LRRK1: variants seen among roughly 807,000 people sequenced by gnomAD.
LRRK1 encodes the protein leucine-rich repeat serine/threonine-protein kinase 1.
Under a neutral mutation model 209.1 loss-of-function variants are expected in LRRK1, and 113 were observed. That is an observed-to-expected ratio of 0.54 (90% CI 0.46 to 0.63). LRRK1 has a LOEUF of 0.63. Among genes scored for constraint, LRRK1 ranks in the 30% least tolerant of loss-of-function variants. The pLI is 0.00. For synonymous variants in LRRK1, 1,144 were observed against 1,099.7 expected (o/e 1.04, Z -0.80); for missense variants, 2,284 against 2,632.2 (o/e 0.87, Z 2.89).
chr15:100,989,549 G>A, intron 6 of LRRK1, 151 bp downstream of exon 6: 1 of 750,298 alleles, frequency 1.3e-6, no homozygotes, highest in South Asian at 1.8e-5. Flanking sequence ...CTGGTATCTG[G>A]TGAGGGCCTT....
chr15:101,048,443 G>A, intron 21 of LRRK1, 51 bp from the exon 22 acceptor site: 1 of 1,549,210 alleles, frequency 6.5e-7, no homozygotes, highest in Non-Finnish European at 8.7e-7. Context: ...TCTGCCCAGG[G>A]CCAGCGAGGA....
chr15:100,941,009 G>A (rs998994201), intron 2 of LRRK1, among the ~76,000 whole-genome samples: 1 of 152,214 alleles, frequency 6.6e-6, no homozygotes, highest in Non-Finnish European at 1.5e-5. Context: ...GCCCAAGGGG[G>A]ACAGTGGTGA....
intron 11 of LRRK1, among the ~76,000 whole-genome samples, chr15:101,014,882 G>A (rs1359746903): frequency 6.6e-6 from 1 of 152,216 alleles, no homozygotes; most frequent in East Asian, 1.9e-4. Context: ...GCCCCTAATG[G>A]TGTCCTCTCA....
At chr15:100,995,582 C>T (rs1340294053) in intron 6 of LRRK1, among the ~76,000 whole-genome samples, 1 of 152,156 alleles carries the variant, frequency 6.6e-6, no homozygotes, top group African/African-American at 2.4e-5. Flanking sequence ...GGCCCGCGTT[C>T]GTGGTGAACA....
At chr15:100,947,597 A>T (rs752095814) in intron 2 of LRRK1, among the ~76,000 whole-genome samples, 1 of 152,236 alleles carries the variant, frequency 6.6e-6, no homozygotes, top group Non-Finnish European at 1.5e-5. Flanking sequence ...AGGACTGAGT[A>T]TATCCTCTGC....
intron 2 of LRRK1, among the ~76,000 whole-genome samples, chr15:100,955,897 C>T (rs2042745110): frequency 6.6e-6 from 1 of 152,004 alleles, no homozygotes; most frequent in African/African-American, 2.4e-5. Context: ...TGCCTGTATC[C>T]TCTTGAGGAT....
intron 33 of LRRK1, among the ~76,000 whole-genome samples, chr15:101,067,753 G>A (rs994799079): frequency 1.3e-5 from 2 of 152,168 alleles, no homozygotes; most frequent in African/African-American, 4.8e-5. Flanking sequence ...CAGAGCCTGT[G>A]GGTAGAAGCC....
intron 6 of LRRK1, among the ~76,000 whole-genome samples, chr15:100,997,712 A>G (rs1332984984): frequency 2.0e-5 from 3 of 152,216 alleles, no homozygotes; most frequent in African/African-American, 7.2e-5. Context: ...GTGGAAAGTA[A>G]TTGGCATCAT....
At chr15:100,927,672 G>T (rs761690568) in intron 2 of LRRK1, among the ~76,000 whole-genome samples, 2 of 152,136 alleles carry the variant, frequency 1.3e-5, no homozygotes, top group East Asian at 3.8e-4. Flanking sequence ...ACCCCAGAAA[G>T]TTCTGTCCCC....
intron 6 of LRRK1, among the ~76,000 whole-genome samples, chr15:100,997,493 G>A (rs1030349847): frequency 2.0e-5 from 3 of 152,156 alleles, no homozygotes; most frequent in African/African-American, 4.8e-5. Context: ...TTACATATAA[G>A]AAAACACTGG....
rs560462200 is a variant in LRRK1 at position 101,003,329 on chromosome 15, G to A, written c.763-5508G>A. Reference sequence around the variant, plus strand: ...AGTCCTGCAGAAGCACAGTGGGTATGTGCCTACAGAGAGCTCTGGGAACAG... The same window carrying A: ...AGTCCTGCAGAAGCACAGTGGGTATATGCCTACAGAGAGCTCTGGGAACAG... On this transcript the variant is annotated intron_variant, in intron 6 of 33. Coordinates refer to ENST00000388948, the MANE Select transcript of LRRK1 (RefSeq NM_024652.6). Among the ~76,000 whole-genome samples, 31 of 152,294 alleles carry A rather than the reference G, an allele frequency of 2.0e-4. 1 individual carries two copies. The South Asian group carries it at 6.2e-3, about 31-fold the overall frequency.
intron 26 of LRRK1, 42 bp downstream of exon 26, chr15:101,053,462 G>C (rs2035603653): frequency 6.6e-7 from 1 of 1,514,788 alleles, no homozygotes; most frequent in African/African-American, 1.4e-5. Context: ...GAGACCGACA[G>C]AGCCCCGGGC....
chr15:100,960,969 T>C (rs1256899651), intron 2 of LRRK1, among the ~76,000 whole-genome samples: 1 of 152,252 alleles, frequency 6.6e-6, no homozygotes, highest in Non-Finnish European at 1.5e-5. Context: ...AGGTGCTGAA[T>C]AAGAGTCTCA....
intron 23 of LRRK1, among the ~76,000 whole-genome samples, chr15:101,051,301 C>T (rs1040881624): frequency 6.6e-6 from 1 of 152,234 alleles, no homozygotes; most frequent in Non-Finnish European, 1.5e-5. Flanking sequence ...CCTTCATGGA[C>T]ATTGTAAACC....
chr15:101,009,173 C>G (rs2033121374), intron 7 of LRRK1, 110 bp downstream of exon 7: 2 of 853,042 alleles, frequency 2.3e-6, no homozygotes, highest in Non-Finnish European at 3.7e-6. Flanking sequence ...AATGTTCTGG[C>G]TAAAATAGGA....
At chr15:100,982,742 C>T (rs1211863208) in intron 3 of LRRK1, among the ~76,000 whole-genome samples, 2 of 152,194 alleles carry the variant, frequency 1.3e-5, no homozygotes, top group African/African-American at 2.4e-5. Context: ...GTTCCCTTCC[C>T]CCTTCGCAAG....
At chr15:100,936,809 G>A (rs2042307765) in intron 2 of LRRK1, among the ~76,000 whole-genome samples, 1 of 152,228 alleles carries the variant, frequency 6.6e-6, no homozygotes, top group Non-Finnish European at 1.5e-5. Flanking sequence ...TCATTGTCCA[G>A]CTGTGGTAGG....
rs149148851 is a variant in LRRK1 at position 101,018,645 on chromosome 15, G to A, written c.1610-2408G>A. 4.5e-4 allele frequency among the ~76,000 whole-genome samples: 69 copies of A among 152,320 alleles called. 4 individuals carry two copies. In the East Asian group the frequency reaches 7.7e-3, roughly 17 times the overall value. ...GCATGGAAAAGCACCATAGGACTAC[G>A]CGCGGTACCAATGCTCTAGAAAGTG... On this transcript the variant is annotated intron_variant, in intron 12 of 33. Coordinates refer to ENST00000388948, the MANE Select transcript of LRRK1 (RefSeq NM_024652.6).
intron 20 of LRRK1, among the ~76,000 whole-genome samples, chr15:101,031,133 T>C (rs1466556621): frequency 6.6e-6 from 1 of 152,220 alleles, no homozygotes; most frequent in Non-Finnish European, 1.5e-5. Flanking sequence ...TAAAGTTTAC[T>C]TACAGTGAAA....
Sources: allele counts gnomAD v4.1 joint callset (sites outside exome capture counted in the v4.1 genomes callset), GRCh38; gene constraint gnomAD v4.1.1; transcripts MANE v1.5; gene names NCBI Gene and HGNC (gene_info 2026-07-23, HGNC 2026-07-21).